The following OR56A3 variants were observed in gnomAD, a reference collection of about 807,000 sequenced individuals.
The protein encoded by OR56A3 is olfactory receptor family 56 subfamily A member 3, also known as olfactory receptor 56A3.
In OR56A3, 23 loss-of-function variants were observed where a neutral mutation model predicts 17.5. The observed-to-expected ratio is 1.32, with a 90% CI of 0.95 to 1.87. The LOEUF is 1.87. OR56A3 is among the 40% of genes most tolerant of loss of function. The probability of loss-of-function intolerance (pLI) is 0.00; values close to 1 mark genes in which losing one functional copy is unlikely to be tolerated. For missense variants in OR56A3, 366 were observed against 380.1 expected (o/e 0.96, Z 0.31); for synonymous variants, 175 against 150.6 (o/e 1.16, Z -1.19).
chr11:5,984,863 T>C, the OR56A3 span, among the ~76,000 whole-genome samples: 1 of 152,346 alleles, frequency 6.6e-6, no homozygotes, highest in Admixed American at 6.5e-5. Context: ...TACATCAAAG[T>C]AGCAATGACT....
the OR56A3 span, chr11:5,994,094 G>A: frequency 1.0e-5 from 5 of 486,898 alleles, no homozygotes; most frequent in African/African-American, 2.0e-5. Flanking sequence ...TCGTGGGCCT[G>A]GTGCTGCCTG....
the OR56A3 span, among the ~76,000 whole-genome samples, chr11:5,991,582 T>A: frequency 6.6e-6 from 1 of 152,082 alleles, no homozygotes; most frequent in Non-Finnish European, 1.5e-5. Flanking sequence ...CTAAGAAGTG[T>A]CAGACCAGAG....
At chr11:5,985,786 A>G in the OR56A3 span, 1 of 676,514 alleles carries the variant, frequency 1.5e-6, no homozygotes. Context: ...CAATAAGCCA[A>G]GTATCTGTGG....
the OR56A3 span, chr11:5,967,312 A>C: frequency 2.1e-6 from 1 of 482,112 alleles, no homozygotes; most frequent in Non-Finnish European, 3.6e-6. Flanking sequence ...ATTCGTACTC[A>C]CATAGATGAA....
chr11:5,976,538 T>C, the OR56A3 span, among the ~76,000 whole-genome samples: 1 of 152,196 alleles, frequency 6.6e-6, no homozygotes, highest in Non-Finnish European at 1.5e-5. Flanking sequence ...TCTAGTATAA[T>C]CTGTAGTAGT....
the OR56A3 span, among the ~76,000 whole-genome samples, chr11:5,964,319 A>G: frequency 6.6e-6 from 1 of 152,204 alleles, no homozygotes; most frequent in South Asian, 2.1e-4. Flanking sequence ...ATGTCTGCCC[A>G]TTGAAAAGGT....
chr11:6,018,683 C>T, the OR56A3 span, among the ~76,000 whole-genome samples: 1 of 151,136 alleles, frequency 6.6e-6, no homozygotes, highest in Non-Finnish European at 1.5e-5. Flanking sequence ...TAAAAGAAAA[C>T]AATAAAAATC....
At chr11:5,960,780 G>A in the OR56A3 span, among the ~76,000 whole-genome samples, 4 of 149,768 alleles carry the variant, frequency 2.7e-5, no homozygotes, top group Admixed American at 6.6e-5. Context: ...TGAGGAATGC[G>A]TCTTCCCGGC....
At chr11:5,985,640 G>C in the OR56A3 span, among the ~76,000 whole-genome samples, 345 of 152,318 alleles carry the variant, frequency 2.3e-3, 1 homozygote, top group Non-Finnish European at 3.5e-3. Context: ...AGGCGAGAAA[G>C]ATGACACATT....
the OR56A3 span, among the ~76,000 whole-genome samples, chr11:5,982,432 G>T: frequency 7.9e-5 from 12 of 152,324 alleles, no homozygotes; most frequent in East Asian, 1.2e-3. Flanking sequence ...ATTAGGTGGA[G>T]TCTGCTAGTG....
At chr11:5,954,059 C>T (rs1376017340), downstream of OR56A3, among the ~76,000 whole-genome samples, 2 of 152,100 alleles carry the variant, frequency 1.3e-5, no homozygotes, top group East Asian at 3.9e-4. Context: ...GATTTTGGAA[C>T]CTGTGCTATT....
chr11:5,986,365 G>A, the OR56A3 span: 24 of 1,613,838 alleles, frequency 1.5e-5, no homozygotes, highest in Non-Finnish European at 1.9e-5. Context: ...TATGATGGTG[G>A]CTTGGCAGAA....
chr11:5,980,182 C>G, the OR56A3 span, among the ~76,000 whole-genome samples: 57 of 152,028 alleles, frequency 3.7e-4, no homozygotes, highest in Non-Finnish European at 7.5e-4. Flanking sequence ...GTGGAGTGTT[C>G]TGTAGATGTC....
At position 5,947,656 on chromosome 11, in the gene OR56A3, C is replaced by T. The variant is rs762454503; in HGVS notation, c.310C>T (p.Gln104Ter). ...RPISFPACFL[Q>*]MYIMNCFLAM... ...CATCAGCTTCCCTGCCTGCTTCCTC[C>T]AGATGTACATCATGAATTGTTTCCT... Residue 104 changes from glutamine to a stop codon, truncating the protein, a stop_gained, in exon 3 of 3, where the codon CAG becomes TAG. Transcript: ENST00000641160. LOFTEE classifies it high-confidence loss of function. The T allele has an allele frequency of 1.9e-6, 3 of 1,614,202 alleles. No homozygotes were observed. The South Asian group carries it at 3.3e-5, about 18-fold the overall frequency.
the OR56A3 span, among the ~76,000 whole-genome samples, chr11:6,016,491 A>G: frequency 6.6e-6 from 1 of 152,184 alleles, no homozygotes; most frequent in Non-Finnish European, 1.5e-5. Flanking sequence ...CTATAGTTAC[A>G]TGCACACACA....
the OR56A3 span, chr11:6,002,253 T>A: frequency 6.2e-7 from 1 of 1,614,096 alleles, no homozygotes; most frequent in Non-Finnish European, 8.5e-7. Context: ...GAGGATGAAG[T>A]GGGAACCACA....
chr11:5,975,333 A>G, the OR56A3 span, among the ~76,000 whole-genome samples: 1 of 149,132 alleles, frequency 6.7e-6, no homozygotes, highest in Non-Finnish European at 1.5e-5. Context: ...CATTAGGTAT[A>G]TCTCCTAATG....
the OR56A3 span, among the ~76,000 whole-genome samples, chr11:5,960,548 C>T: frequency 3.9e-5 from 6 of 152,334 alleles, no homozygotes; most frequent in East Asian, 7.7e-4. Flanking sequence ...GACGGAGTCT[C>T]GCTCACTCAG....
At chr11:6,017,531 A>T in the OR56A3 span, among the ~76,000 whole-genome samples, 1 of 152,200 alleles carries the variant, frequency 6.6e-6, no homozygotes, top group Non-Finnish European at 1.5e-5. Context: ...TGCTGAAAGA[A>T]AAATACTGCT....
Sources: gnomAD v4.1 joint callset for allele counts (sites outside exome capture counted in the v4.1 genomes callset) on GRCh38, gnomAD v4.1.1 for gene constraint, MANE v1.5 for transcripts, NCBI Gene and HGNC (gene_info 2026-07-23, HGNC 2026-07-21) for gene names.